ALPL: variants seen among roughly 807,000 people sequenced by gnomAD.
ALPL encodes alkaline phosphatase, tissue-nonspecific isozyme.
ALPL carries 42 observed loss-of-function variants against 51.3 expected under a neutral mutation model. The ratio of observed to expected loss-of-function variants is 0.82; its 90% CI spans 0.64 to 1.06. The LOEUF (loss-of-function observed/expected upper bound fraction) is 1.06. ALPL is among the 50% of genes least tolerant of loss of function. The pLI is 0.00. For missense variants in ALPL, 589 were observed against 709.4 expected (o/e 0.83, Z 1.93); for synonymous variants, 279 against 296.4 (o/e 0.94, Z 0.60).
At chr1:21,541,452 G>A (rs1419957596) in intron 1 of ALPL, among the ~76,000 whole-genome samples, 1 of 152,178 alleles carries the variant, frequency 6.6e-6, no homozygotes, top group Non-Finnish European at 1.5e-5. Flanking sequence ...CTGCTGAGCT[G>A]TCTCTTCAGC....
chr1:21,513,179 G>A (rs930238708), intron 1 of ALPL, among the ~76,000 whole-genome samples: 2 of 151,964 alleles, frequency 1.3e-5, no homozygotes, highest in Non-Finnish European at 2.9e-5. Context: ...AAGCTGGCTC[G>A]GTCAACTGGG....
intron 1 of ALPL, among the ~76,000 whole-genome samples, chr1:21,549,122 A>G (rs1644288335): frequency 1.3e-5 from 2 of 152,212 alleles, no homozygotes; most frequent in Admixed American, 1.3e-4. Context: ...TGGTTTCTGC[A>G]GGTTCTTGGC....
chr1:21,528,562 G>A (rs1301280227), intron 1 of ALPL, among the ~76,000 whole-genome samples: 1 of 151,292 alleles, frequency 6.6e-6, no homozygotes, highest in Non-Finnish European at 1.5e-5. Flanking sequence ...ATATTGGCCA[G>A]ACTGGTCTCG....
At chr1:21,533,480 A>G (rs1196416847) in intron 1 of ALPL, among the ~76,000 whole-genome samples, 1 of 152,198 alleles carries the variant, frequency 6.6e-6, no homozygotes, top group African/African-American at 2.4e-5. Context: ...CTGTAAAACA[A>G]CCCTGCAAGG....
rs781692571 is a variant in ALPL at position 21,568,265 on chromosome 1, C to A, written c.792+18C>A. The A allele has an allele frequency of 6.2e-7, 1 of 1,613,878 alleles. No homozygotes were observed. The highest frequency in any genetic ancestry group is 1.1e-5 in the South Asian group (1 of 91,054). ...GATACAAGGTAGCCTGTGCTGGGGC[C>A]ATGTGGCTGCAGAGGTGGCCTGTGA... On this transcript the variant is annotated intron_variant, in intron 7 of 11. Transcript: ENST00000374840.
chr1:21,544,618 C>T (rs754203080), intron 1 of ALPL, among the ~76,000 whole-genome samples: 3 of 152,132 alleles, frequency 2.0e-5, no homozygotes, highest in Non-Finnish European at 4.4e-5. Context: ...TGGTGGCATG[C>T]GCCTGTAGTC....
chr1:21,520,207 C>T (rs1458074863), intron 1 of ALPL, among the ~76,000 whole-genome samples: 1 of 152,134 alleles, frequency 6.6e-6, no homozygotes, highest in Non-Finnish European at 1.5e-5. Flanking sequence ...TGACTGCGGC[C>T]TTGACTTCCT....
At position 21,530,398 on chromosome 1, in the gene ALPL, C is replaced by T. The variant is rs559191188; in HGVS notation, c.-105+20881C>T. 1.6e-4 allele frequency among the ~76,000 whole-genome samples: 25 copies of T among 152,228 alleles called. No individual in the cohort carries two copies. In the South Asian group the frequency reaches 4.4e-3, roughly 27 times the overall value. ...TGTTCTTTAACTTGTGAGCTTACTCCGTGGGGGATTTCAGCTATTCTGTTT... is the reference window on the plus strand; with the variant it reads ...TGTTCTTTAACTTGTGAGCTTACTCTGTGGGGGATTTCAGCTATTCTGTTT... On this transcript the variant is annotated intron_variant, in intron 1 of 11. Coordinates refer to ENST00000374840, the MANE Select transcript of ALPL (RefSeq NM_000478.6).
chr1:21,519,984 G>A (rs1643867459), intron 1 of ALPL, among the ~76,000 whole-genome samples: 1 of 152,134 alleles, frequency 6.6e-6, no homozygotes, highest in Admixed American at 6.5e-5. Flanking sequence ...CTCAGCAGAG[G>A]CAGGGGTTGT....
intron 6 of ALPL, among the ~76,000 whole-genome samples, chr1:21,567,234 C>T (rs746065800): frequency 1.3e-5 from 2 of 152,212 alleles, no homozygotes; most frequent in Non-Finnish European, 2.9e-5. Flanking sequence ...GGGGCAGTGG[C>T]CCGGGCTGGC....
chr1:21,561,078 C>G lies in ALPL; in HGVS notation c.182-19C>G, dbSNP rs765320968. 1.1e-5 allele frequency: 18 copies of G among 1,587,386 alleles called. No homozygotes were observed. Among genetic ancestry groups the G allele is most frequent in the Non-Finnish European group, 1.5e-5 (17 of 1,165,144 alleles). The stretch of plus-strand genomic sequence containing the variant: ...GAGGCAGGAGCACGAGAGACTGAGG[C>G]CCCCACTCCCCACTGCAGGGATGGG... On this transcript the variant is annotated intron_variant, in intron 3 of 11. Transcript: ENST00000374840.
At chr1:21,534,216 T>C (rs1570208340) in intron 1 of ALPL, among the ~76,000 whole-genome samples, 1 of 152,280 alleles carries the variant, frequency 6.6e-6, no homozygotes, top group South Asian at 2.1e-4. Context: ...GCTCAAGCAG[T>C]CCTCCTGCCT....
chr1:21,573,816 T>G lies in ALPL; in HGVS notation c.997+17T>G. On this transcript the variant is annotated intron_variant, in intron 9 of 11. Transcript: ENST00000374840. ...TGGTGGAAGGTAGGGACCCCGGGTC[T>G]GCTGAGAGGGGGCTGCTGGAAACAC... 1.2e-6 allele frequency: 2 copies of G among 1,614,096 alleles called. No individual in the cohort carries two copies. Among genetic ancestry groups the G allele is most frequent in the South Asian group, 1.1e-5 (1 of 91,062 alleles).
chr1:21,526,925 T>C (rs1029481561), intron 1 of ALPL, among the ~76,000 whole-genome samples: 7 of 152,302 alleles, frequency 4.6e-5, no homozygotes, highest in Admixed American at 3.9e-4. Flanking sequence ...TTCACTGACA[T>C]GCTCCCCTCA....
chr1:21,570,314 T>C lies in ALPL; in HGVS notation c.802T>C (p.Phe268Leu), dbSNP rs751625937. 3 of 1,613,936 alleles carry C rather than the reference T, an allele frequency of 1.9e-6. No individual in the cohort carries two copies. The highest frequency in any genetic ancestry group is 2.7e-5 in the African/African-American group (2 of 74,886). Residue 268 changes from phenylalanine (F) to leucine (L), a missense_variant, in exon 8 of 12, where the codon TTC (phenylalanine) becomes CTC (leucine). Coordinates refer to ENST00000374840, the MANE Select transcript of ALPL (RefSeq NM_000478.6). ...SFKPRYKHSH[F>L]IWNRTELLTL... is the part of the protein sequence containing the mutation. ...CAGCCCTTCCTCCTAGCACTCCCAC[T>C]TCATCTGGAACCGCACGGAACTCCT...
intron 2 of ALPL, among the ~76,000 whole-genome samples, chr1:21,559,289 G>C (rs1292638687): frequency 6.6e-6 from 1 of 152,204 alleles, no homozygotes; most frequent in Non-Finnish European, 1.5e-5. Flanking sequence ...CGCAGACTCT[G>C]GGAGGGACTC....
chr1:21,558,177 C>T (rs1644437801), intron 2 of ALPL, among the ~76,000 whole-genome samples: 1 of 152,160 alleles, frequency 6.6e-6, no homozygotes, highest in African/African-American at 2.4e-5. Flanking sequence ...AGGACTCTGC[C>T]CTTGTGGGAC....
intron 6 of ALPL, among the ~76,000 whole-genome samples, chr1:21,566,587 G>A (rs1010521412): frequency 1.3e-5 from 2 of 151,602 alleles, no homozygotes; most frequent in African/African-American, 4.9e-5. Flanking sequence ...CATCGCGCCC[G>A]GCCTATTTTA....
chr1:21,537,000 G>A (rs773241851), intron 1 of ALPL, among the ~76,000 whole-genome samples: 57 of 147,800 alleles, frequency 3.9e-4, no homozygotes, highest in Non-Finnish European at 7.4e-4. Flanking sequence ...AGGTTCAAGC[G>A]ATTCTCCTGC....
Sources: gnomAD v4.1 joint callset for allele counts (sites outside exome capture counted in the v4.1 genomes callset) on GRCh38, gnomAD v4.1.1 for gene constraint, MANE v1.5 for transcripts, NCBI Gene and HGNC (gene_info 2026-07-23, HGNC 2026-07-21) for gene names.